The following DAB1 variants were observed in gnomAD, a reference collection of about 807,000 sequenced individuals.
DAB1 encodes DAB adaptor protein 1, also known as disabled homolog 1.
DAB1 carries 15 observed loss-of-function variants against 64.6 expected under a neutral mutation model. That is an observed-to-expected ratio of 0.23 (90% CI 0.16 to 0.36). The LOEUF is 0.36. DAB1 is among the 10% of genes least tolerant of loss of function. DAB1 has a pLI of 1.00. For missense variants in DAB1, 596 were observed against 706.7 expected, an observed-to-expected ratio of 0.84 and a Z score of 1.78; for synonymous variants, 235 against 251.9, an observed-to-expected ratio of 0.93 and a Z score of 0.64.
intron 4 of DAB1, among the ~76,000 whole-genome samples, chr1:58,266,565 C>T (rs1389399466): frequency 6.6e-6 from 1 of 152,164 alleles, no homozygotes; most frequent in East Asian, 1.9e-4. Flanking sequence ...TTCCTGCCCT[C>T]ATAAAGTTGC....
intron 7 of DAB1, among the ~76,000 whole-genome samples, chr1:57,463,857 C>T (rs1023870644): frequency 3.3e-5 from 5 of 152,110 alleles, no homozygotes; most frequent in Non-Finnish European, 7.4e-5. Context: ...AAATAAGACA[C>T]GGCACTTGTC....
chr1:57,583,475 TG>T (rs1645339722), intron 7 of DAB1, among the ~76,000 whole-genome samples: 1 of 151,994 alleles, frequency 6.6e-6, no homozygotes, highest in African/African-American at 2.4e-5. Context: ...TTAGTACAGA[TG>T]GGGTTTCACC....
intron 4 of DAB1, among the ~76,000 whole-genome samples, chr1:57,104,473 G>A (rs1009620905): frequency 6.6e-6 from 1 of 152,236 alleles, no homozygotes; most frequent in Non-Finnish European, 1.5e-5. Flanking sequence ...ATTTAGAAAA[G>A]GTGTGCTGGG....
At chr1:57,706,999 G>A (rs1262161421) in intron 6 of DAB1, among the ~76,000 whole-genome samples, 3 of 152,102 alleles carry the variant, frequency 2.0e-5, no homozygotes, top group East Asian at 3.9e-4. Context: ...GCTTGAACCC[G>A]GGAAGTGGAG....
chr1:58,414,582 T>C (rs1367908476), intron 3 of DAB1, among the ~76,000 whole-genome samples: 4 of 152,194 alleles, frequency 2.6e-5, no homozygotes, highest in African/African-American at 9.7e-5. Context: ...GGGAAACATA[T>C]TCAAAGAACC....
chr1:57,789,826 G>T (rs1650509297), intron 6 of DAB1, among the ~76,000 whole-genome samples: 1 of 152,186 alleles, frequency 6.6e-6, no homozygotes, highest in African/African-American at 2.4e-5. Flanking sequence ...AGTCAGGTAG[G>T]TATGGGCTAT....
intron 7 of DAB1, among the ~76,000 whole-genome samples, chr1:57,616,717 T>A (rs1373599262): frequency 6.6e-6 from 1 of 152,188 alleles, no homozygotes; most frequent in Non-Finnish European, 1.5e-5. Context: ...GCCGTATCTA[T>A]CCAAATATTA....
chr1:58,024,375 C>A (rs1193511568), intron 5 of DAB1, among the ~76,000 whole-genome samples: 3 of 152,090 alleles, frequency 2.0e-5, no homozygotes, highest in Non-Finnish European at 4.4e-5. Context: ...CTTGAACAAC[C>A]CATCTCAAAA....
intron 7 of DAB1, among the ~76,000 whole-genome samples, chr1:57,431,644 T>C (rs868086167): frequency 2.6e-5 from 4 of 152,216 alleles, no homozygotes; most frequent in Non-Finnish European, 4.4e-5. Context: ...GCAGCAACAC[T>C]GGCAATTGTA....
At chr1:58,106,124 T>C (rs1221434537) in intron 5 of DAB1, among the ~76,000 whole-genome samples, 2 of 148,522 alleles carry the variant, frequency 1.3e-5, no homozygotes, top group East Asian at 3.9e-4. Flanking sequence ...CTTTCTTCCT[T>C]CTTTTCTTTC....
chr1:58,477,875 A>C (rs1480417768), intron 3 of DAB1, among the ~76,000 whole-genome samples: 1 of 152,134 alleles, frequency 6.6e-6, no homozygotes, highest in Non-Finnish European at 1.5e-5. Context: ...AAGTAAAAAA[A>C]CCTTAAGAAA....
chr1:57,052,214 T>C (rs995241153), intron 9 of DAB1, among the ~76,000 whole-genome samples: 1 of 152,198 alleles, frequency 6.6e-6, no homozygotes, highest in Non-Finnish European at 1.5e-5. Context: ...AAAGTCTAGC[T>C]ACTTTTTCTA....
At chr1:57,706,972 G>T (rs1487611317) in intron 6 of DAB1, among the ~76,000 whole-genome samples, 1 of 152,054 alleles carries the variant, frequency 6.6e-6, no homozygotes, top group Non-Finnish European at 1.5e-5. Flanking sequence ...TATTCAGGAG[G>T]CTGAGGCTGG....
chr1:58,056,221 C>T lies in DAB1; in HGVS notation n.387+94290G>A, dbSNP rs200116914. ...TCGGTCCTTGCGGGCTTCACGAGAT[C>T]GATTCCTGACTACTTTGCTGTGAAT... On this transcript the variant is annotated intron_variant and non_coding_transcript_variant, in intron 5 of 20. Coordinates refer to the DAB1 transcript ENST00000485760. 685 of 1,503,766 alleles carry T rather than the reference C, an allele frequency of 4.6e-4. 3 individuals carry two copies. In the African/African-American group the frequency reaches 6.6e-3, roughly 14 times the overall value. The allele number at this position is 1,503,766 out of a possible 1,614,324, so 93.2% of individuals were successfully genotyped here.
intron 5 of DAB1, among the ~76,000 whole-genome samples, chr1:58,069,353 C>T (rs547707719): frequency 6.6e-6 from 1 of 152,256 alleles, no homozygotes; most frequent in Admixed American, 6.5e-5. Context: ...AGGCACCGTC[C>T]TCTAAAACAA....
At chr1:57,961,983 A>T (rs1339947982) in intron 5 of DAB1, among the ~76,000 whole-genome samples, 1 of 151,920 alleles carries the variant, frequency 6.6e-6, no homozygotes, top group East Asian at 1.9e-4. Context: ...AAAAAAAAAA[A>T]AAGCTGAGTT....
chr1:57,335,241 C>T (rs984238740), intron 1 of DAB1, among the ~76,000 whole-genome samples: 9 of 151,572 alleles, frequency 5.9e-5, no homozygotes, highest in African/African-American at 2.2e-4. Flanking sequence ...ACTTTACGTG[C>T]CCCGATCATT....
intron 1 of DAB1, among the ~76,000 whole-genome samples, chr1:57,387,820 T>G (rs371809228): frequency 2.2e-5 from 1 of 44,708 alleles, no homozygotes; most frequent in African/African-American, 1.2e-4. Context: ...AGACTCAGCC[T>G]CAAAAAAAAA....
At chr1:57,843,143 C>T (rs1026569490) in intron 1 of DAB1, among the ~76,000 whole-genome samples, 1 of 152,158 alleles carries the variant, frequency 6.6e-6, no homozygotes, top group Non-Finnish European at 1.5e-5. Context: ...CACTTTTGCA[C>T]CATCATAAAG....
Sources: allele counts gnomAD v4.1 joint callset (sites outside exome capture counted in the v4.1 genomes callset), GRCh38; gene constraint gnomAD v4.1.1; transcripts MANE v1.5; gene names NCBI Gene and HGNC (gene_info 2026-07-23, HGNC 2026-07-21).